The following GALNT10 variants were observed in gnomAD, a reference collection of about 807,000 sequenced individuals.
GALNT10 encodes GalNAc transferase 10.
Under a neutral mutation model 75.0 loss-of-function variants are expected in GALNT10, and 41 were observed. That is an observed-to-expected ratio of 0.55 (90% CI 0.43 to 0.71). GALNT10 has a LOEUF of 0.71. Among genes scored for constraint, GALNT10 ranks in the 30% least tolerant of loss-of-function variants. The probability of loss-of-function intolerance (pLI) is 0.00; values close to 1 mark genes in which losing one functional copy is unlikely to be tolerated. For synonymous variants in GALNT10, 302 were observed against 313.0 expected (o/e 0.96, Z 0.37); for missense variants, 727 against 818.5 (o/e 0.89, Z 1.36).
chr5:154,260,845 T>C (rs535588114), intron 1 of GALNT10, among the ~76,000 whole-genome samples: 6 of 152,336 alleles, frequency 3.9e-5, no homozygotes, highest in Admixed American at 2.0e-4. Flanking sequence ...ATTTAGATGC[T>C]GATCACAACC....
intron 1 of GALNT10, among the ~76,000 whole-genome samples, chr5:154,200,164 C>CTTGGATTTG (rs940281846): frequency 2.0e-5 from 3 of 152,266 alleles, no homozygotes; most frequent in African/African-American, 4.8e-5. Context: ...GAGCCTGGTT[C>CTTGGATTTG]TTGTTGTTGG....
At chr5:154,197,872 C>G (rs1581914265) in intron 1 of GALNT10, among the ~76,000 whole-genome samples, 2 of 152,136 alleles carry the variant, frequency 1.3e-5, no homozygotes, top group East Asian at 3.9e-4. Flanking sequence ...GGATGCACAG[C>G]CTGTAGTGGT....
At chr5:154,295,727 A>G (rs953537040) in intron 2 of GALNT10, among the ~76,000 whole-genome samples, 5 of 152,294 alleles carry the variant, frequency 3.3e-5, no homozygotes, top group Admixed American at 1.3e-4. Context: ...GATAAAGTCC[A>G]TACTCCCAGA....
chr5:154,219,281 C>G (rs888414189), intron 1 of GALNT10, among the ~76,000 whole-genome samples: 2 of 152,226 alleles, frequency 1.3e-5, no homozygotes, highest in African/African-American at 4.8e-5. Flanking sequence ...CCCCAGCAAG[C>G]CTTCCCTGAC....
At chr5:154,234,575 T>G (rs1753216088) in intron 1 of GALNT10, among the ~76,000 whole-genome samples, 1 of 152,272 alleles carries the variant, frequency 6.6e-6, no homozygotes, top group Admixed American at 6.5e-5. Context: ...TATGATTACC[T>G]TCATTTAACA....
chr5:154,283,276 T>C (rs1455888922), intron 1 of GALNT10, among the ~76,000 whole-genome samples: 5 of 77,556 alleles, frequency 6.4e-5, no homozygotes, highest in African/African-American at 2.6e-4. Flanking sequence ...AGACCTCGTC[T>C]GTAAAAAAAA....
intron 4 of GALNT10, among the ~76,000 whole-genome samples, chr5:154,361,613 A>G (rs1174152216): frequency 6.6e-6 from 1 of 152,214 alleles, no homozygotes; most frequent in Non-Finnish European, 1.5e-5. Context: ...TGAACTGTGC[A>G]GTGAGGAATA....
At chr5:154,318,918 A>T (rs1754636271) in intron 3 of GALNT10, among the ~76,000 whole-genome samples, 1 of 152,266 alleles carries the variant, frequency 6.6e-6, no homozygotes, top group Non-Finnish European at 1.5e-5. Flanking sequence ...AAGGATAGTG[A>T]AAGTGCTTTT....
At chr5:154,255,669 T>A (rs1372423911) in intron 1 of GALNT10, among the ~76,000 whole-genome samples, 2 of 152,024 alleles carry the variant, frequency 1.3e-5, no homozygotes, top group Non-Finnish European at 2.9e-5. Flanking sequence ...CCAGGTCTAG[T>A]ATGTCTTCCA....
chr5:154,267,656 C>T (rs1753798618), intron 1 of GALNT10, among the ~76,000 whole-genome samples: 1 of 152,160 alleles, frequency 6.6e-6, no homozygotes, highest in South Asian at 2.1e-4. Context: ...GTCACCTTTT[C>T]CTTGCCAACA....
chr5:154,327,355 A>G lies in GALNT10; in HGVS notation c.402-2217A>G, dbSNP rs556161186. 1.3e-3 allele frequency among the ~76,000 whole-genome samples: 192 copies of G among 152,358 alleles called. 1 individual carries two copies. The highest frequency in any genetic ancestry group is 3.1e-3 in the South Asian group (15 of 4,830). On this transcript the variant is annotated intron_variant, in intron 3 of 11. Coordinates refer to ENST00000297107, the MANE Select transcript of GALNT10 (RefSeq NM_198321.4). ...GTGATATTGATGATATGAAGGATTA[A>G]AAGTTCTTTGGCAGAATGGCTGATT...
intron 4 of GALNT10, among the ~76,000 whole-genome samples, chr5:154,358,247 G>T (rs1755326682): frequency 6.6e-6 from 1 of 152,176 alleles, no homozygotes; most frequent in African/African-American, 2.4e-5. Flanking sequence ...TGCATGGGGG[G>T]ACGTGTCTCT....
intron 1 of GALNT10, among the ~76,000 whole-genome samples, chr5:154,240,947 A>C (rs540936592): frequency 6.6e-6 from 1 of 152,124 alleles, no homozygotes; most frequent in African/African-American, 2.4e-5. Context: ...AATTGTGGAG[A>C]TCAAATAAGG....
chr5:154,396,195 A>G (rs1324299536), intron 7 of GALNT10, among the ~76,000 whole-genome samples: 1 of 122,730 alleles, frequency 8.1e-6, no homozygotes, highest in Non-Finnish European at 1.6e-5. Context: ...CAATGACCAG[A>G]TCATGTATGA....
rs953575180 is a variant in GALNT10 at position 154,416,317 on chromosome 5, C to T, written c.1653+385C>T. ...ACATGGTGGCTCATGCCTGTACTCC[C>T]AGCTACTCGGGAGGCCGAGGCAGGA... On this transcript the variant is annotated intron_variant, in intron 11 of 11. Transcript: ENST00000297107. This position sits in a 1 kb window ranked among gnomAD's most constrained non-coding sequence, Gnocchi z 4.5. Among the ~76,000 whole-genome samples the T allele has an allele frequency of 3.3e-5, 5 of 152,222 alleles. No homozygotes were observed. The highest frequency in any genetic ancestry group is 9.6e-5 in the African/African-American group (4 of 41,528).
Position 154,265,566 on chromosome 5 carries a change from G to GT in GALNT10, c.160-29247dup, listed in dbSNP as rs1207246082. 2.6e-5 allele frequency among the ~76,000 whole-genome samples: 4 copies of GT among 152,160 alleles called. No individual in the cohort carries two copies. The East Asian group carries it at 7.7e-4, about 29-fold the overall frequency. ...CAATGTGCATCTTTAATGGCTCCAA[G>GT]TTTGGATAATTTTATGCTGTTTATA... On this transcript the variant is annotated intron_variant, in intron 1 of 11. Coordinates refer to ENST00000297107, the MANE Select transcript of GALNT10 (RefSeq NM_198321.4).
chr5:154,377,062 A>G (rs899817302), intron 5 of GALNT10, among the ~76,000 whole-genome samples: 1 of 152,142 alleles, frequency 6.6e-6, no homozygotes, highest in Non-Finnish European at 1.5e-5. Flanking sequence ...CCCTGTATTC[A>G]CTTCCTTTTA....
intron 4 of GALNT10, among the ~76,000 whole-genome samples, chr5:154,375,558 C>T (rs1313427467): frequency 2.0e-5 from 3 of 152,188 alleles, no homozygotes; most frequent in Non-Finnish European, 4.4e-5. Context: ...GCTTCAGGCA[C>T]GTGAGTCTAG....
At position 154,420,959 on chromosome 5, in the gene GALNT10, G is replaced by A. The variant is rs1360828441; in HGVS notation, c.*3987G>A. ...TACAATTGTGATTGTGAACGTTGTT[G>A]AGTAAACCTCCAGACTTTCTCTAAA... is the stretch of plus-strand genomic sequence containing the variant. On this transcript the variant is annotated 3_prime_UTR_variant, in exon 12 of 12. Coordinates refer to ENST00000297107, the MANE Select transcript of GALNT10 (RefSeq NM_198321.4). 2 of 152,216 alleles carry A rather than the reference G, an allele frequency of 1.3e-5. No individual in the cohort carries two copies. The highest frequency in any genetic ancestry group is 4.8e-5 in the African/African-American group (2 of 41,456). The allele number at this position is 152,216 out of a possible 1,614,324, so 9.4% of individuals were successfully genotyped here.
Sources: allele counts gnomAD v4.1 joint callset (sites outside exome capture counted in the v4.1 genomes callset), GRCh38; gene constraint gnomAD v4.1.1; non-coding constraint Gnocchi (gnomAD v3.1); transcripts MANE v1.5; gene names NCBI Gene and HGNC (gene_info 2026-07-23, HGNC 2026-07-21).